The following IFT74 variants were observed in gnomAD, a reference collection of about 807,000 sequenced individuals.
The protein encoded by IFT74 is intraflagellar transport 74.
A neutral mutation model predicts 96.7 loss-of-function variants in IFT74; 92 were observed. That is an observed-to-expected ratio of 0.95 (90% CI 0.80 to 1.13). The LOEUF is 1.13. IFT74 is among the 50% of genes most tolerant of loss of function. The pLI is 0.00. For missense variants in IFT74, 811 were observed against 698.2 expected (o/e 1.16, Z -1.82); for synonymous variants, 223 against 213.2 (o/e 1.05, Z -0.40).
intron 1 of IFT74, among the ~76,000 whole-genome samples, chr9:26,947,916 C>CA (rs1455145655): frequency 1.3e-5 from 2 of 152,184 alleles, no homozygotes; most frequent in Non-Finnish European, 2.9e-5. Flanking sequence ...GCCGCCCACC[C>CA]ACCCGTGGTG....
At chr9:26,987,338 C>T (rs1050804903) in intron 6 of IFT74, among the ~76,000 whole-genome samples, 3 of 152,140 alleles carry the variant, frequency 2.0e-5, no homozygotes, top group Non-Finnish European at 4.4e-5. Context: ...GATCCACCCG[C>T]CTCAGCCTCC....
chr9:27,060,447 T>A (rs1820362700), intron 18 of IFT74, 144 bp from the exon 19 acceptor site: 1 of 409,784 alleles, frequency 2.4e-6, no homozygotes, highest in Non-Finnish European at 4.5e-6. Flanking sequence ...TTAATCTTTT[T>A]TTTTCTACCG....
At chr9:27,007,998 G>A (rs886579395) in intron 8 of IFT74, among the ~76,000 whole-genome samples, 15 of 152,070 alleles carry the variant, frequency 9.9e-5, no homozygotes, top group African/African-American at 3.1e-4. Context: ...TTTTGATTAC[G>A]TGATAAAAAT....
At position 27,037,092 on chromosome 9, in the gene IFT74, C is replaced by T. The variant is rs1054648086; in HGVS notation, c.1055-7650C>T. On this transcript the variant is annotated intron_variant, in intron 13 of 19. Coordinates refer to ENST00000380062, the MANE Select transcript of IFT74 (RefSeq NM_025103.4). ...AAACTTAGCCGGTAGTGGTGGTGGG[C>T]ACCTGTAATCCCAGCTACTAGGGAG... Among the ~76,000 whole-genome samples, 9 of 151,850 alleles carry T rather than the reference C, an allele frequency of 5.9e-5. No homozygotes were observed. In the South Asian group the frequency reaches 6.2e-4, roughly 11 times the overall value.
chr9:27,062,510 T>C lies in IFT74; in HGVS notation c.1685-108T>C, dbSNP rs1820472203. The C allele has an allele frequency of 6.3e-6, 4 of 631,108 alleles. No individual in the cohort carries two copies. The Admixed American group carries it at 1.2e-4, about 19-fold the overall frequency. The allele number at this position is 631,108 out of a possible 1,614,324, so 39.1% of individuals were successfully genotyped here. ...ACTGTATTTTAAAGTATTCTAATTG[T>C]GCTTTTTTGTACCATCTTCAGTATG... On this transcript the variant is annotated intron_variant, in intron 19 of 19. Transcript: ENST00000380062.
At chr9:27,017,703 T>C (rs559187715) in intron 11 of IFT74, among the ~76,000 whole-genome samples, 11 of 152,338 alleles carry the variant, frequency 7.2e-5, no homozygotes, top group African/African-American at 2.6e-4. Flanking sequence ...GTGGTTGTTA[T>C]TATCAGTGCC....
At chr9:26,960,845 A>T (rs148876823) in intron 1 of IFT74, among the ~76,000 whole-genome samples, 2 of 152,062 alleles carry the variant, frequency 1.3e-5, no homozygotes, top group East Asian at 3.9e-4. Context: ...AATGGAGTTA[A>T]GATCATTGCT....
intron 8 of IFT74, among the ~76,000 whole-genome samples, chr9:27,000,630 T>TTTA (rs1482958737): frequency 4.6e-5 from 7 of 152,240 alleles, no homozygotes; most frequent in Non-Finnish European, 2.9e-5. Flanking sequence ...TTGTCTTTTC[T>TTTA]TTATAATGGA....
intron 8 of IFT74, among the ~76,000 whole-genome samples, chr9:27,003,978 A>G (rs914998418): frequency 2.0e-5 from 3 of 152,198 alleles, no homozygotes; most frequent in South Asian, 4.1e-4. Flanking sequence ...TGATGTCTCT[A>G]GTAGGCTGCA....
chr9:27,063,517 T>C lies in IFT74; in HGVS notation c.*781T>C, dbSNP rs547045811. ...GGGAAAAAAGCTAGAAGAGGTAGGA[T>C]TGGGAGAGAGGCATAGAGTCTGGAA... On this transcript the variant is annotated 3_prime_UTR_variant, in exon 20 of 20. Coordinates refer to ENST00000380062, the MANE Select transcript of IFT74 (RefSeq NM_025103.4). 8.7e-4 allele frequency among the ~76,000 whole-genome samples: 132 copies of C among 152,164 alleles called. No individual in the cohort carries two copies. Among genetic ancestry groups the C allele is most frequent in the African/African-American group, 2.6e-3 (106 of 41,556 alleles).
intron 12 of IFT74, among the ~76,000 whole-genome samples, chr9:27,021,380 C>G (rs1395678335): frequency 6.6e-6 from 1 of 152,142 alleles, no homozygotes; most frequent in Admixed American, 6.6e-5. Flanking sequence ...AATGGTAGAC[C>G]TACTTTTAGT....
chr9:27,034,530 T>C (rs1338326626), intron 13 of IFT74, among the ~76,000 whole-genome samples: 2 of 152,202 alleles, frequency 1.3e-5, no homozygotes, highest in African/African-American at 4.8e-5. Flanking sequence ...TATTTGTTTA[T>C]TTATTTATGT....
chr9:26,981,768 A>ATTT (rs57916629), intron 4 of IFT74, among the ~76,000 whole-genome samples: 224 of 128,842 alleles, frequency 1.7e-3, no homozygotes, highest in African/African-American at 5.8e-3. Flanking sequence ...GATAAGAATA[A>ATTT]TTTTTTTTTT....
At chr9:26,992,031 G>A (rs1216635867) in intron 8 of IFT74, among the ~76,000 whole-genome samples, 4 of 145,858 alleles carry the variant, frequency 2.7e-5, no homozygotes, top group South Asian at 2.2e-4. Context: ...GCGAGACTCC[G>A]TCTCAAAAAA....
intron 15 of IFT74, among the ~76,000 whole-genome samples, 194 bp downstream of exon 15, chr9:27,047,565 G>A (rs774442893): frequency 2.0e-5 from 3 of 151,964 alleles, no homozygotes; most frequent in African/African-American, 4.8e-5. Flanking sequence ...GGTAATTAGG[G>A]CAATAGAGAA....
intron 2 of IFT74, among the ~76,000 whole-genome samples, chr9:26,962,881 C>A (rs1826426104): frequency 6.7e-6 from 1 of 150,284 alleles, no homozygotes; most frequent in Admixed American, 6.6e-5. Flanking sequence ...ATATATATAC[C>A]ATATATAGGA....
chr9:27,006,776 C>T (rs1828804949), intron 8 of IFT74, among the ~76,000 whole-genome samples: 1 of 150,800 alleles, frequency 6.6e-6, no homozygotes, highest in Non-Finnish European at 1.5e-5. Flanking sequence ...GTAAAGATAC[C>T]ACCAAGTTTT....
At chr9:27,000,752 A>T (rs1828437533) in intron 8 of IFT74, among the ~76,000 whole-genome samples, 1 of 152,136 alleles carries the variant, frequency 6.6e-6, no homozygotes, top group Non-Finnish European at 1.5e-5. Flanking sequence ...TGACGGGTTG[A>T]TCTGTGCAGC....
At chr9:26,998,236 G>C (rs1264719473) in intron 8 of IFT74, 5 of 1,428,430 alleles carry the variant, frequency 3.5e-6, no homozygotes, top group Non-Finnish European at 4.7e-6. Context: ...AATTACATTG[G>C]ACTTCCTAGA....
Sources: allele counts gnomAD v4.1 joint callset (sites outside exome capture counted in the v4.1 genomes callset), GRCh38; gene constraint gnomAD v4.1.1; transcripts MANE v1.5; gene names NCBI Gene and HGNC (gene_info 2026-07-23, HGNC 2026-07-21).